Variants in PIAS1 observed in about 807,000 individuals in gnomAD.
The protein encoded by PIAS1 is E3 SUMO-protein ligase PIAS1.
In PIAS1, 6 loss-of-function variants were observed where a neutral mutation model predicts 71.3. That is an observed-to-expected ratio of 0.08 (90% CI 0.05 to 0.17). PIAS1 has a LOEUF of 0.17. Among genes scored for constraint, PIAS1 ranks in the 10% least tolerant of loss-of-function variants. The pLI is 1.00. For synonymous variants in PIAS1, 303 were observed against 292.9 expected (o/e 1.03, Z -0.35); for missense variants, 555 against 793.6 (o/e 0.70, Z 3.61).
At chr15:68,166,050 A>G (rs2092955812) in intron 8 of PIAS1, among the ~76,000 whole-genome samples, 1 of 152,168 alleles carries the variant, frequency 6.6e-6, no homozygotes, top group Non-Finnish European at 1.5e-5. Flanking sequence ...TAATTTATGA[A>G]ACTTCAAACA....
chr15:68,088,178 A>ATATATATATATATG (rs2092301750), intron 2 of PIAS1, among the ~76,000 whole-genome samples: 1 of 85,810 alleles, frequency 1.2e-5, no homozygotes, highest in African/African-American at 4.5e-5. Context: ...ATGTGTGTGT[A>ATATATATATATATG]TATATATATA....
chr15:68,163,679 CT>C (rs1465131210), intron 7 of PIAS1, among the ~76,000 whole-genome samples: 1 of 152,178 alleles, frequency 6.6e-6, no homozygotes, highest in Non-Finnish European at 1.5e-5. Context: ...ACAGTAGACT[CT>C]GAAATTGTAA....
chr15:68,135,688 C>T (rs1282001711), intron 2 of PIAS1, among the ~76,000 whole-genome samples: 9 of 68,158 alleles, frequency 1.3e-4, no homozygotes, highest in Non-Finnish European at 2.6e-4. Context: ...ACCTCCCTCC[C>T]GGACGGGGTG....
intron 1 of PIAS1, among the ~76,000 whole-genome samples, chr15:68,078,800 C>G (rs780329524): frequency 6.6e-6 from 1 of 152,252 alleles, no homozygotes; most frequent in East Asian, 1.9e-4. Flanking sequence ...TAGTATGTTA[C>G]TGGTACATTA....
rs562758766 is a variant in PIAS1 at position 68,185,306 on chromosome 15, G to A, written c.1662+1639G>A. On this transcript the variant is annotated intron_variant, in intron 13 of 13. Transcript: ENST00000249636. The surrounding 1 kb of genome is among the most constrained non-coding windows in gnomAD (Gnocchi z 4.4). ...ATGACTGCATCAAGAACCTTGCTTG[G>A]GCATGGACTGATGTCACCAAGGAGT... Among the ~76,000 whole-genome samples, 22 of 152,142 alleles carry A rather than the reference G, an allele frequency of 1.4e-4. No homozygotes were observed. Among genetic ancestry groups the A allele is most frequent in the Admixed American group, 1.1e-3 (17 of 15,278 alleles).
chr15:68,189,062 C>T lies in PIAS1; in HGVS notation c.*1227C>T, dbSNP rs1032036305. 1.3e-5 allele frequency: 2 copies of T among 152,178 alleles called. No individual in the cohort carries two copies. Among genetic ancestry groups the T allele is most frequent in the East Asian group, 1.9e-4 (1 of 5,202 alleles). 9.4% of individuals were successfully genotyped at this position (152,178 alleles called of 1,614,324 possible). On this transcript the variant is annotated 3_prime_UTR_variant, in exon 14 of 14. Coordinates refer to ENST00000249636, the MANE Select transcript of PIAS1 (RefSeq NM_016166.3). ...GTTCTGAGTATACCTATTTTCTTAG[C>T]GTATCTGCCTTGTTTATCTTTTTCT...
At chr15:68,106,351 CAAAAAAAAAA>C (rs11313083) in intron 2 of PIAS1, among the ~76,000 whole-genome samples, 2 of 92,846 alleles carry the variant, frequency 2.2e-5, no homozygotes, top group East Asian at 3.3e-4. Context: ...ATGACCTTTG[CAAAAAAAAAA>C]AAAAAAAAAA....
At chr15:68,107,617 A>G (rs1427523387) in intron 2 of PIAS1, among the ~76,000 whole-genome samples, 2 of 152,162 alleles carry the variant, frequency 1.3e-5, no homozygotes, top group African/African-American at 4.8e-5. Context: ...TTATACTTTC[A>G]TTTGAAAAAG....
At chr15:68,095,270 C>T (rs2092364277) in intron 2 of PIAS1, among the ~76,000 whole-genome samples, 1 of 152,004 alleles carries the variant, frequency 6.6e-6, no homozygotes, top group Non-Finnish European at 1.5e-5. Context: ...TGAAATGCAG[C>T]ATTTCAGAAT....
chr15:68,093,696 G>A (rs1307333168), intron 2 of PIAS1, among the ~76,000 whole-genome samples: 1 of 152,152 alleles, frequency 6.6e-6, no homozygotes, highest in Non-Finnish European at 1.5e-5. Context: ...ATGGGGGGAA[G>A]GATTGGGAAA....
chr15:68,187,604 A>G lies in PIAS1; in HGVS notation c.1725A>G (p.Leu575=), dbSNP rs754208560. 72 of 1,613,694 alleles carry G rather than the reference A, an allele frequency of 4.5e-5. No homozygotes were observed. The Admixed American group carries it at 1.2e-3, about 27-fold the overall frequency. ...AAAVSDDQDL[L]HSSRFFPYTS... ...CAGTTTCAGATGATCAAGACCTCCT[A>G]CACTCGTCTCGGTTTTTCCCGTATA... The change falls in exon 14 of 14, where the codon CTA becomes CTG. Residue 575 remains leucine (L), a synonymous_variant. Coordinates refer to ENST00000249636, the MANE Select transcript of PIAS1 (RefSeq NM_016166.3). The surrounding 1 kb of genome is among the most constrained non-coding windows in gnomAD (Gnocchi z 5.3).
chr15:68,078,543 C>T (rs974861935), intron 1 of PIAS1, among the ~76,000 whole-genome samples: 40 of 152,112 alleles, frequency 2.6e-4, no homozygotes, highest in South Asian at 2.1e-4. Context: ...TCATTTAGTG[C>T]CCCCGTCACC....
chr15:68,113,082 A>G (rs895918216), intron 2 of PIAS1, among the ~76,000 whole-genome samples: 4 of 152,174 alleles, frequency 2.6e-5, no homozygotes, highest in African/African-American at 9.6e-5. Context: ...CTTTTTTCAC[A>G]TCAAGTTGCC....
chr15:68,135,381 C>T lies in PIAS1; in HGVS notation c.470-6565C>T, dbSNP rs1364994360. ...CCGGGCGGGGGGCTGACCCCCACAC[C>T]GCCCTCCCAGACGGGGCGGCTGGCC... On this transcript the variant is annotated intron_variant, in intron 2 of 13. Coordinates refer to ENST00000249636, the MANE Select transcript of PIAS1 (RefSeq NM_016166.3). Among the ~76,000 whole-genome samples the T allele has an allele frequency of 5.6e-3, 257 of 46,156 alleles. 55 individuals carry two copies. The highest frequency in any genetic ancestry group is 0.011 in the African/African-American group (237 of 20,972). The allele number at this position is 46,156 out of a possible 152,430, so 30.3% of individuals were successfully genotyped here. A position where few individuals can be genotyped will look rare whatever the true frequency, so the allele number is the denominator to read the frequency against.
Position 68,086,592 on chromosome 15 carries a change from C to T in PIAS1, c.311C>T (p.Ala104Val). ...IPQLTYDGHP[A>V]SSPLLPVSLL... ...CAACTCACTTACGATGGTCACCCTG[C>T]ATCATCGCCATTACTCCCTGTTTCT... Residue 104 changes from alanine (A) to valine (V), a missense_variant, in exon 2 of 14, where the codon GCA becomes GTA. By Grantham distance (64) the Ala-to-Val change is moderately conservative. Coordinates refer to ENST00000249636, the MANE Select transcript of PIAS1 (RefSeq NM_016166.3). The surrounding 1 kb of genome is among the most constrained non-coding windows in gnomAD (Gnocchi z 7.2). The T allele has an allele frequency of 6.2e-7, 1 of 1,613,892 alleles. No homozygotes were observed. The highest frequency in any genetic ancestry group is 8.5e-7 in the Non-Finnish European group (1 of 1,179,804).
rs2093003365 is a variant in PIAS1 at position 68,173,391 on chromosome 15, G to A, written c.1009-341G>A. On this transcript the variant is annotated intron_variant, in intron 8 of 13. Coordinates refer to ENST00000249636, the MANE Select transcript of PIAS1 (RefSeq NM_016166.3). This position sits in a 1 kb window ranked among gnomAD's most constrained non-coding sequence, Gnocchi z 4.3. ...GTTTAAAAAAAAAAAACTGGTGAAA[G>A]CACTCTCTCCAGAAAAATGCACACA... 6.6e-6 allele frequency among the ~76,000 whole-genome samples: 1 copy of A among 151,886 alleles called. No individual in the cohort carries two copies. The highest frequency in any genetic ancestry group is 2.1e-4 in the South Asian group (1 of 4,816).
intron 2 of PIAS1, chr15:68,088,039 G>A (rs1337910410): frequency 1.3e-5 from 3 of 227,028 alleles, no homozygotes; most frequent in Admixed American, 5.0e-5. Context: ...TGTTTAGTGT[G>A]TATGCATATA....
intron 8 of PIAS1, among the ~76,000 whole-genome samples, chr15:68,166,879 G>A (rs1233923681): frequency 1.3e-5 from 2 of 152,112 alleles, no homozygotes; most frequent in African/African-American, 4.8e-5. Flanking sequence ...AGGTTGGAGT[G>A]CAGTGCTGCC....
chr15:68,090,080 A>G (rs565088082), intron 2 of PIAS1, among the ~76,000 whole-genome samples: 38 of 151,486 alleles, frequency 2.5e-4, no homozygotes, highest in Non-Finnish European at 4.1e-4. Flanking sequence ...GGGTCTCATC[A>G]TGTCAGCCAG....
Sources: gnomAD v4.1 joint callset for allele counts (sites outside exome capture counted in the v4.1 genomes callset) on GRCh38, gnomAD v4.1.1 for gene constraint, Gnocchi (gnomAD v3.1) non-coding constraint, MANE v1.5 for transcripts, NCBI Gene and HGNC (gene_info 2026-07-23, HGNC 2026-07-21) for gene names.